The following P2RY2 variants were observed in gnomAD, a reference collection of about 807,000 sequenced individuals.
The protein encoded by P2RY2 is purinergic receptor P2Y2, also known as P2Y purinoceptor 2.
For missense variants in P2RY2, 567 were observed against 515.7 expected (o/e 1.10, Z -0.96); for synonymous variants, 241 against 231.9 (o/e 1.04, Z -0.35).
rs1862654577 is a variant in P2RY2 at position 73,236,443 on chromosome 11, CA to C, written c.*1151del. On this transcript the variant is annotated 3_prime_UTR_variant, in exon 3 of 3. Transcript: ENST00000393597. ...ATGCCGAGTGGCTGGGGCTGTGAGC[CA>C]GGGGGTCAGGGAAGGGTTCCTGGAG... is the stretch of plus-strand genomic sequence containing the variant. 16 of 638,902 alleles carry C rather than the reference CA, an allele frequency of 2.5e-5. No individual in the cohort carries two copies. The highest frequency in any genetic ancestry group is 3.1e-5 in the Non-Finnish European group (16 of 509,038). The allele number at this position is 638,902 out of a possible 1,614,324, so 39.6% of individuals were successfully genotyped here.
In P2RY2 at chr11:73,234,269, C is replaced by T; in HGVS notation, c.110C>T (p.Pro37Leu). ...GAGGACTTCAAGTACGTGCTGCTGC[C>T]TGTGTCCTACGGCGTGGTGTGCGTG... ...FNEDFKYVLL[P>L]VSYGVVCVPG... The change falls in exon 3 of 3, where the codon CCT (proline) becomes CTT (leucine). Residue 37 changes from proline (P) to leucine (L), a missense_variant. Physicochemically the swap from Pro to Leu is moderately conservative, Grantham distance 98. Transcript: ENST00000393597. 1 of 1,614,212 alleles carries T rather than the reference C, an allele frequency of 6.2e-7. No homozygotes were observed. Among genetic ancestry groups the T allele is most frequent in the South Asian group, 1.1e-5 (1 of 91,092 alleles).
intron 1 of P2RY2, among the ~76,000 whole-genome samples, chr11:73,227,516 T>G (rs888486055): frequency 6.6e-6 from 1 of 151,346 alleles, no homozygotes; most frequent in African/African-American, 2.4e-5. Flanking sequence ...GAGGTAGGAG[T>G]GGGGAGGAGG....
chr11:73,222,157 G>A (rs1307582155), intron 1 of P2RY2, among the ~76,000 whole-genome samples: 5 of 152,088 alleles, frequency 3.3e-5, no homozygotes, highest in South Asian at 2.1e-4. Flanking sequence ...GTGCTGGAGT[G>A]AGGGAAAGGG....
In P2RY2 at chr11:73,231,889, A is replaced by C. The variant is rs1177774391; in HGVS notation, c.-4-2267A>C. Among the ~76,000 whole-genome samples the C allele has an allele frequency of 2.0e-5, 3 of 152,018 alleles. No individual in the cohort carries two copies. The East Asian group carries it at 5.8e-4, about 29-fold the overall frequency. On this transcript the variant is annotated intron_variant, in intron 2 of 2. Coordinates refer to ENST00000393597, the MANE Select transcript of P2RY2 (RefSeq NM_002564.4). Reference sequence around the variant, plus strand: ...ACATGGTGAAACCCCATCTCTACTAAAAATATAAAAATTAGCCAGGTGTGG... The same window carrying C: ...ACATGGTGAAACCCCATCTCTACTACAAATATAAAAATTAGCCAGGTGTGG...
Position 73,234,404 on chromosome 11 carries a change from A to C in P2RY2, c.245A>C (p.Tyr82Ser). The C allele has an allele frequency of 6.2e-7, 1 of 1,614,204 alleles. No homozygotes were observed. Among genetic ancestry groups the C allele is most frequent in the Non-Finnish European group, 8.5e-7 (1 of 1,180,030 alleles). ...CACCTGGCTGTGTCTGATGCACTGT[A>C]TGCGGCCTCCCTGCCGCTGCTGGTC... is the stretch of plus-strand genomic sequence containing the variant. ...MFHLAVSDAL[Y>S]AASLPLLVYY... Residue 82 changes from tyrosine to serine, a missense_variant, in exon 3 of 3, where the codon TAT becomes TCT. Tyr to Ser is a moderately radical substitution (Grantham distance 144, BLOSUM62 -2). Coordinates refer to ENST00000393597, the MANE Select transcript of P2RY2 (RefSeq NM_002564.4).
At chr11:73,219,227 T>C (rs1422155503) in intron 1 of P2RY2, among the ~76,000 whole-genome samples, 2 of 152,184 alleles carry the variant, frequency 1.3e-5, no homozygotes, top group African/African-American at 2.4e-5. Context: ...CTGGTTTGTT[T>C]TGGATCTAAG....
Position 73,234,209 on chromosome 11 carries a change from A to G in P2RY2, c.50A>G (p.Asp17Gly), listed in dbSNP as rs117372847. 5.9e-3 allele frequency: 9,555 copies of G among 1,613,886 alleles called. 63 individuals carry two copies. Among genetic ancestry groups the G allele is most frequent in the Non-Finnish European group, 6.3e-3 (7,432 of 1,179,904 alleles). The change falls in exon 3 of 3, where the codon GAT (aspartate) becomes GGT (glycine). Residue 17 changes from aspartate (D) to glycine (G), a missense_variant. Transcript: ENST00000393597. ...PWNDTINGTW[D>G]GDELGYRCRF... is the part of the protein sequence containing the mutation. ...AATGACACCATCAATGGCACCTGGG[A>G]TGGGGATGAGCTGGGCTACAGGTGC... is the stretch of plus-strand genomic sequence containing the variant.
At chr11:73,225,839 G>C (rs867028945) in intron 1 of P2RY2, among the ~76,000 whole-genome samples, 2 of 152,348 alleles carry the variant, frequency 1.3e-5, no homozygotes, top group South Asian at 4.1e-4. Context: ...GATGAGGGCA[G>C]GGACAGAGAG....
intron 1 of P2RY2, among the ~76,000 whole-genome samples, chr11:73,225,785 A>G (rs1175832965): frequency 6.6e-6 from 1 of 152,058 alleles, no homozygotes; most frequent in African/African-American, 2.4e-5. Flanking sequence ...TCTCTGAGCA[A>G]TGATATGACC....
At chr11:73,231,786 A>T (rs1862466690) in intron 2 of P2RY2, among the ~76,000 whole-genome samples, 1 of 152,120 alleles carries the variant, frequency 6.6e-6, no homozygotes. Flanking sequence ...ATGATGGCTC[A>T]CACCTGTAAT....
chr11:73,229,813 G>A (rs1378091013), intron 2 of P2RY2, among the ~76,000 whole-genome samples: 2 of 152,078 alleles, frequency 1.3e-5, no homozygotes, highest in Admixed American at 1.3e-4. Flanking sequence ...GGGAAGTCAG[G>A]CCTCGGCACG....
intron 2 of P2RY2, among the ~76,000 whole-genome samples, chr11:73,232,237 T>C (rs1176563023): frequency 2.0e-5 from 3 of 151,700 alleles, no homozygotes; most frequent in African/African-American, 7.3e-5. Context: ...AAACAGGGAG[T>C]TCACTACCAC....
chr11:73,234,918 C>T lies in P2RY2; in HGVS notation c.759C>T (p.Val253=). 6.2e-7 allele frequency: 1 copy of T among 1,611,012 alleles called. No individual in the cohort carries two copies. The highest frequency in any genetic ancestry group is 8.5e-7 in the Non-Finnish European group (1 of 1,180,002). Residue 253 remains valine (V), a synonymous_variant, in exon 3 of 3, where the codon GTC becomes GTT. Coordinates refer to ENST00000393597, the MANE Select transcript of P2RY2 (RefSeq NM_002564.4). ...SVRTIAVVLA[V]FALCFLPFHV... ...GCACCATCGCCGTGGTGCTGGCTGT[C>T]TTCGCCCTCTGCTTCCTGCCATTCC...
At position 73,237,463 on chromosome 11, in the gene P2RY2, G is replaced by T. The variant is rs934836544; in HGVS notation, c.*2170G>T. ...GGGTTTCGCCATGTTGGCCAGGCTG[G>T]TCTCAAACTCCTGACCTCAAGTGAT... On this transcript the variant is annotated 3_prime_UTR_variant, in exon 3 of 3. Coordinates refer to ENST00000393597, the MANE Select transcript of P2RY2 (RefSeq NM_002564.4). 2.0e-5 allele frequency among the ~76,000 whole-genome samples: 3 copies of T among 152,028 alleles called. No homozygotes were observed. Among genetic ancestry groups the T allele is most frequent in the African/African-American group, 7.3e-5 (3 of 41,352 alleles).
At position 73,224,712 on chromosome 11, in the gene P2RY2, G is replaced by A. The variant is rs372801337; in HGVS notation, c.-199-3269G>A. Among the ~76,000 whole-genome samples, 80 of 152,310 alleles carry A rather than the reference G, an allele frequency of 5.3e-4. 1 individual carries two copies. The South Asian group carries it at 8.3e-3, about 16-fold the overall frequency. ...TCCCCCTGAGGATGGCCTTCAGTGTGGGAGACCTGATCTGTGGTTTTTCTG... is the reference window on the plus strand; with the variant it reads ...TCCCCCTGAGGATGGCCTTCAGTGTAGGAGACCTGATCTGTGGTTTTTCTG... On this transcript the variant is annotated intron_variant, in intron 1 of 2. Transcript: ENST00000393597.
In P2RY2 at chr11:73,235,805, C is replaced by T. The variant is rs1862637099; in HGVS notation, c.*512C>T. 1.0e-6 allele frequency: 1 copy of T among 1,001,040 alleles called. No homozygotes were observed. The highest frequency in any genetic ancestry group is 1.1e-4 in the East Asian group (1 of 8,846). 62.0% of individuals were successfully genotyped at this position (1,001,040 alleles called of 1,614,324 possible). On this transcript the variant is annotated 3_prime_UTR_variant, in exon 3 of 3. Coordinates refer to ENST00000393597, the MANE Select transcript of P2RY2 (RefSeq NM_002564.4). ...GGACTGGGTGCCACGGTGGACTTAG[C>T]TCTGAGGAGTACCCCCAGCCCAAGA...
chr11:73,223,469 C>A (rs1862180105), intron 1 of P2RY2, among the ~76,000 whole-genome samples: 1 of 112,358 alleles, frequency 8.9e-6, no homozygotes, highest in African/African-American at 3.0e-5. Flanking sequence ...CAGACACAGC[C>A]TCCACATTAG....
rs1165390000 is a variant in P2RY2, at chr11:73,236,530, C to A, written c.*1237C>A. 1.0e-6 allele frequency: 1 copy of A among 981,970 alleles called. No homozygotes were observed. Among genetic ancestry groups the A allele is most frequent in the South Asian group, 4.7e-5 (1 of 21,210 alleles). 60.8% of individuals were successfully genotyped at this position (981,970 alleles called of 1,614,324 possible). A position where few individuals can be genotyped will look rare whatever the true frequency, so the allele number is the denominator to read the frequency against. ...AGCTCACCGGAAGAACATCCACACA[C>A]AGGATGCATCCCAGGCAAAGACATG... is the stretch of plus-strand genomic sequence containing the variant. On this transcript the variant is annotated 3_prime_UTR_variant, in exon 3 of 3. Transcript: ENST00000393597.
At position 73,238,702 on chromosome 11, in the gene P2RY2, C is replaced by G. The variant is rs11235689; in HGVS notation, c.*3409C>G. 2.6e-5 allele frequency among the ~76,000 whole-genome samples: 4 copies of G among 152,120 alleles called. No individual in the cohort carries two copies. The highest frequency in any genetic ancestry group is 4.4e-5 in the Non-Finnish European group (3 of 67,972). On this transcript the variant is annotated 3_prime_UTR_variant, in exon 3 of 3. Transcript: ENST00000393597. ...AGCAGATGAGGAAACAGGAGAAGGG[C>G]GTGAGAAGTGAGGACTTGTTCCAGG...
Sources: allele counts gnomAD v4.1 joint callset (sites outside exome capture counted in the v4.1 genomes callset), GRCh38; gene constraint gnomAD v4.1.1; transcripts MANE v1.5; gene names NCBI Gene and HGNC (gene_info 2026-07-23, HGNC 2026-07-21).